TTC13: variants seen among roughly 807,000 people sequenced by gnomAD.
The protein encoded by TTC13 is tetratricopeptide repeat domain 13, also known as tetratricopeptide repeat protein 13.
A neutral mutation model predicts 120.0 loss-of-function variants in TTC13; 62 were observed. The observed-to-expected ratio is 0.52, with a 90% CI of 0.42 to 0.64. The LOEUF is 0.64. TTC13 is among the 30% of genes least tolerant of loss of function. TTC13 has a pLI of 0.00. For synonymous variants in TTC13, 384 were observed against 393.5 expected (o/e 0.98, Z 0.28); for missense variants, 824 against 1,050.2 (o/e 0.78, Z 2.98).
intron 12 of TTC13, among the ~76,000 whole-genome samples, chr1:230,928,706 T>C (rs1673263597): frequency 1.3e-5 from 2 of 152,200 alleles, no homozygotes; most frequent in Admixed American, 1.3e-4. Flanking sequence ...TGATGTTTGC[T>C]ATAGGTGTTT....
intron 17 of TTC13, among the ~76,000 whole-genome samples, 190 bp from the exon 18 acceptor site, chr1:230,916,492 A>G (rs1185708564): frequency 6.6e-6 from 1 of 152,152 alleles, no homozygotes. Context: ...AGCCCAGGTT[A>G]CGCTCCCCAC....
intron 3 of TTC13, among the ~76,000 whole-genome samples, chr1:230,957,430 C>G (rs559126037): frequency 6.6e-5 from 10 of 152,328 alleles, no homozygotes; most frequent in African/African-American, 2.2e-4. Context: ...GAGCAAGACC[C>G]TGCACTAACA....
intron 3 of TTC13, among the ~76,000 whole-genome samples, chr1:230,957,076 C>T (rs1212512645): frequency 6.6e-6 from 1 of 152,186 alleles, no homozygotes; most frequent in African/African-American, 2.4e-5. Flanking sequence ...ATAAATACTA[C>T]TCTAAGTAGA....
chr1:230,959,735 A>G (rs1046439452), intron 2 of TTC13, among the ~76,000 whole-genome samples: 3 of 152,234 alleles, frequency 2.0e-5, no homozygotes, highest in African/African-American at 7.2e-5. Flanking sequence ...CTAATACTGC[A>G]TCTATAGTAT....
At chr1:230,953,315 T>C (rs1054524556) in intron 4 of TTC13, among the ~76,000 whole-genome samples, 3 of 152,188 alleles carry the variant, frequency 2.0e-5, no homozygotes, top group Admixed American at 2.0e-4. Flanking sequence ...ACCTTATTTT[T>C]AAAGAGAAAA....
intron 1 of TTC13, among the ~76,000 whole-genome samples, chr1:230,972,141 T>C (rs1677825433): frequency 6.6e-6 from 1 of 152,240 alleles, no homozygotes; most frequent in Non-Finnish European, 1.5e-5. Flanking sequence ...TGAGAGTCTA[T>C]GGAAAGAATG....
At chr1:230,957,416 CA>C (rs1418668043) in intron 3 of TTC13, among the ~76,000 whole-genome samples, 3 of 152,266 alleles carry the variant, frequency 2.0e-5, no homozygotes, top group Admixed American at 2.0e-4. Flanking sequence ...CAGCCTGGGC[CA>C]CAGAGCAAGA....
intron 1 of TTC13, among the ~76,000 whole-genome samples, chr1:230,975,533 T>C (rs1356675972): frequency 6.6e-6 from 1 of 152,210 alleles, no homozygotes; most frequent in Non-Finnish European, 1.5e-5. Flanking sequence ...AGATAGGGCT[T>C]TGGCAACAGG....
chr1:230,967,366 T>C (rs541381450), intron 1 of TTC13, among the ~76,000 whole-genome samples: 1 of 152,036 alleles, frequency 6.6e-6, no homozygotes, highest in Non-Finnish European at 1.5e-5. Flanking sequence ...TTGAGACTGA[T>C]GTACTTCACC....
At chr1:230,914,483 G>A (rs753537334) in intron 18 of TTC13, among the ~76,000 whole-genome samples, 104 of 151,814 alleles carry the variant, frequency 6.9e-4, no homozygotes, top group Non-Finnish European at 1.3e-3. Flanking sequence ...CAACCTCCCC[G>A]TCATGGGTTC....
At chr1:230,908,130 C>T (rs779734837) in intron 22 of TTC13, among the ~76,000 whole-genome samples, 12 of 152,176 alleles carry the variant, frequency 7.9e-5, no homozygotes, top group Non-Finnish European at 1.5e-4. Flanking sequence ...GAAGTGAATA[C>T]CTGATCATAT....
In TTC13 at chr1:230,931,423, C is replaced by A; in HGVS notation, c.1175G>T (p.Gly392Val). The change falls in exon 11 of 23, where the codon GGG becomes GTG. Residue 392 changes from glycine to valine, a missense_variant. By Grantham distance (109) the Gly-to-Val change is moderately radical (BLOSUM62 -3). Transcript: ENST00000366661. The part of the protein sequence containing the change: ...PYNEVCQYMK[G>V]LSHVAMGQFY... Reference sequence around the variant, plus strand: ...CTGTCCCATGGCAACATGGCTGAGCCCTTTCATATACTGGCACACTTCATT... The same window carrying A: ...CTGTCCCATGGCAACATGGCTGAGCACTTTCATATACTGGCACACTTCATT... 1 of 1,614,170 alleles carries A rather than the reference C, an allele frequency of 6.2e-7. No individual in the cohort carries two copies.
At chr1:230,935,456 T>C (rs1673953240) in intron 8 of TTC13, among the ~76,000 whole-genome samples, 1 of 152,038 alleles carries the variant, frequency 6.6e-6, no homozygotes, top group Non-Finnish European at 1.5e-5. Flanking sequence ...GAAGTGACAA[T>C]TGAGTTGGGC....
In TTC13 at chr1:230,978,861, T is replaced by G. The variant is rs773196876; in HGVS notation, c.-31A>C. ...CTCAAGGCGCATGCGCGACAGCCCT[T>G]GCCCGGCTCTCAGGCCTCCCCGCCT... On this transcript the variant is annotated 5_prime_UTR_variant, in exon 1 of 23. Coordinates refer to ENST00000366661, the MANE Select transcript of TTC13 (RefSeq NM_024525.5). The surrounding 1 kb of genome is among the most constrained non-coding windows in gnomAD (Gnocchi z 5.6). 6 of 1,441,356 alleles carry G rather than the reference T, an allele frequency of 4.2e-6. No individual in the cohort carries two copies. In the African/African-American group the frequency reaches 7.4e-5, roughly 18 times the overall value. The allele number at this position is 1,441,356 out of a possible 1,614,324, so 89.3% of individuals were successfully genotyped here.
chr1:230,918,054 T>C (rs1672214121), intron 17 of TTC13, among the ~76,000 whole-genome samples: 7 of 152,226 alleles, frequency 4.6e-5, no homozygotes, highest in Admixed American at 4.6e-4. Flanking sequence ...TTGTCACACA[T>C]AATGTATGAT....
intron 8 of TTC13, 92 bp from the exon 9 acceptor site, chr1:230,933,953 G>T: frequency 2.9e-6 from 2 of 683,678 alleles, no homozygotes; most frequent in South Asian, 2.8e-5. Flanking sequence ...ATATATCCTA[G>T]TCTCTGACAG....
chr1:230,931,832 T>A lies in TTC13; in HGVS notation c.1029A>T (p.Ala343=). The change falls in exon 10 of 23, where the codon GCA becomes GCT. Residue 343 remains alanine (A), a synonymous_variant. Transcript: ENST00000366661. ...GCACATGATTTTGGTTGAGCAACAG[T>A]GCCTTTTGAAAGCTCTCAGTGGCTG... ...FEAATESFQK[A]LLLNQNHVQT... The A allele has an allele frequency of 6.2e-7, 1 of 1,614,228 alleles. No individual in the cohort carries two copies. Among genetic ancestry groups the A allele is most frequent in the Non-Finnish European group, 8.5e-7 (1 of 1,180,032 alleles).
intron 1 of TTC13, among the ~76,000 whole-genome samples, chr1:230,966,618 C>G (rs997787029): frequency 1.3e-5 from 2 of 152,150 alleles, no homozygotes; most frequent in African/African-American, 4.8e-5. Flanking sequence ...CATTATAGTT[C>G]CCTGTGGGAA....
chr1:230,910,375 T>C (rs531043690), intron 20 of TTC13, among the ~76,000 whole-genome samples: 1 of 152,340 alleles, frequency 6.6e-6, no homozygotes, highest in African/African-American at 2.4e-5. Flanking sequence ...GGGCTAGCAC[T>C]GCGCACTGTG....
Sources: gnomAD v4.1 joint callset for allele counts (sites outside exome capture counted in the v4.1 genomes callset) on GRCh38, gnomAD v4.1.1 for gene constraint, Gnocchi (gnomAD v3.1) non-coding constraint, MANE v1.5 for transcripts, NCBI Gene and HGNC (gene_info 2026-07-23, HGNC 2026-07-21) for gene names.